PTPRD: variants seen among roughly 807,000 people sequenced by gnomAD.
The protein encoded by PTPRD is receptor-type tyrosine-protein phosphatase delta.
Under a neutral mutation model 214.5 loss-of-function variants are expected in PTPRD, and 34 were observed. The observed-to-expected ratio is 0.16, with a 90% CI of 0.12 to 0.21. The LOEUF (loss-of-function observed/expected upper bound fraction) is 0.21, where lower values mean the gene tolerates loss of function less well. PTPRD is among the 10% of genes least tolerant of loss of function. The pLI is 1.00. For missense variants in PTPRD, 2,545 were observed against 2,398.7 expected, an observed-to-expected ratio of 1.06 and a Z score of -1.27; for synonymous variants, 1,128 against 845.7, an observed-to-expected ratio of 1.33 and a Z score of -5.79.
intron 9 of PTPRD, among the ~76,000 whole-genome samples, chr9:9,214,175 G>C (rs1413068872): frequency 6.6e-6 from 1 of 152,086 alleles, no homozygotes; most frequent in Non-Finnish European, 1.5e-5. Flanking sequence ...TTTGTTGATG[G>C]ACATCAGGCC....
intron 9 of PTPRD, among the ~76,000 whole-genome samples, chr9:9,223,967 A>T (rs1049946878): frequency 6.6e-6 from 1 of 152,044 alleles, no homozygotes; most frequent in Admixed American, 6.6e-5. Flanking sequence ...TATAAAAAGG[A>T]TATAGAACTA....
chr9:8,806,104 T>C (rs2096673429), intron 11 of PTPRD, among the ~76,000 whole-genome samples: 1 of 151,874 alleles, frequency 6.6e-6, no homozygotes, highest in African/African-American at 2.4e-5. Flanking sequence ...TTTGTATTTT[T>C]AGTAGAGACG....
At chr9:9,062,900 T>C (rs1179097334) in intron 10 of PTPRD, among the ~76,000 whole-genome samples, 2 of 152,206 alleles carry the variant, frequency 1.3e-5, no homozygotes, top group Non-Finnish European at 2.9e-5. Flanking sequence ...AGGGGTGTTT[T>C]AAGTAGTAAT....
At chr9:8,854,499 A>T (rs1208005934) in intron 11 of PTPRD, among the ~76,000 whole-genome samples, 1 of 152,190 alleles carries the variant, frequency 6.6e-6, no homozygotes, top group African/African-American at 2.4e-5. Flanking sequence ...GTCTGAAGGA[A>T]ATCTAATATG....
chr9:9,383,400 T>C (rs1222568047), intron 9 of PTPRD, among the ~76,000 whole-genome samples: 1 of 152,144 alleles, frequency 6.6e-6, no homozygotes, highest in East Asian at 1.9e-4. Flanking sequence ...CACCATGTTA[T>C]ATCCTTAAGA....
At chr9:8,613,899 C>CT (rs1224318904) in intron 14 of PTPRD, among the ~76,000 whole-genome samples, 1 of 151,856 alleles carries the variant, frequency 6.6e-6, no homozygotes, top group African/African-American at 2.4e-5. Context: ...AATAAATAGT[C>CT]TGTCATTTTA....
chr9:8,671,199 T>G (rs1336728263), intron 12 of PTPRD, among the ~76,000 whole-genome samples: 1 of 152,144 alleles, frequency 6.6e-6, no homozygotes, highest in African/African-American at 2.4e-5. Flanking sequence ...TTTGAACAAC[T>G]TAATTTTGCA....
chr9:8,432,993 T>C (rs1239679104), intron 35 of PTPRD, among the ~76,000 whole-genome samples: 1 of 152,254 alleles, frequency 6.6e-6, no homozygotes, highest in Non-Finnish European at 1.5e-5. Flanking sequence ...TTAAAGTATC[T>C]TTACATGTAG....
At chr9:9,233,757 A>T (rs2099964688) in intron 9 of PTPRD, among the ~76,000 whole-genome samples, 1 of 152,228 alleles carries the variant, frequency 6.6e-6, no homozygotes, top group Admixed American at 6.5e-5. Flanking sequence ...ATTAAACCTT[A>T]AAGTTCCAAA....
chr9:8,412,563 G>A (rs933844860), intron 35 of PTPRD, among the ~76,000 whole-genome samples: 6 of 152,072 alleles, frequency 3.9e-5, no homozygotes, highest in Admixed American at 1.3e-4. Context: ...AGTATTAAGC[G>A]AAAAGTACCT....
At chr9:10,450,528 T>C (rs2098834303) in intron 2 of PTPRD, among the ~76,000 whole-genome samples, 1 of 152,166 alleles carries the variant, frequency 6.6e-6, no homozygotes, top group African/African-American at 2.4e-5. Flanking sequence ...GTCCCTAATC[T>C]GTAGTTTATA....
chr9:9,031,727 A>G (rs938341220), intron 10 of PTPRD, among the ~76,000 whole-genome samples: 1 of 152,080 alleles, frequency 6.6e-6, no homozygotes, highest in Non-Finnish European at 1.5e-5. Flanking sequence ...AAATAATCAG[A>G]GTACAAATAG....
In PTPRD at chr9:9,784,414, T is replaced by C. The variant is rs572033473; in HGVS notation, c.-367-17563A>G. Among the ~76,000 whole-genome samples the C allele has an allele frequency of 1.2e-4, 19 of 152,178 alleles. No individual in the cohort carries two copies. In the South Asian group the frequency reaches 3.9e-3, roughly 32 times the overall value. ...AATAAATAAGCTTTCAACCACAGCA[T>C]CCACAATTATACTGAAGGAAAAAGA... On this transcript the variant is annotated intron_variant, in intron 5 of 45. Transcript: ENST00000381196.
intron 39 of PTPRD, among the ~76,000 whole-genome samples, chr9:8,364,132 G>C (rs559919619): frequency 6.6e-6 from 1 of 152,352 alleles, no homozygotes; most frequent in East Asian, 1.9e-4. Context: ...GATTCCAGCA[G>C]ATGGCATGGT....
intron 12 of PTPRD, among the ~76,000 whole-genome samples, chr9:8,719,769 T>G (rs1352682919): frequency 6.6e-6 from 1 of 151,950 alleles, no homozygotes; most frequent in Non-Finnish European, 1.5e-5. Context: ...TCAAAAGGCA[T>G]GCAAAATGTA....
chr9:9,749,050 G>C (rs1306829102), intron 6 of PTPRD, among the ~76,000 whole-genome samples: 1 of 151,854 alleles, frequency 6.6e-6, no homozygotes. Flanking sequence ...TCTTTCCTCT[G>C]GTTTTTGTGA....
At chr9:9,153,717 C>G (rs929582478) in intron 10 of PTPRD, among the ~76,000 whole-genome samples, 8 of 152,098 alleles carry the variant, frequency 5.3e-5, no homozygotes, top group African/African-American at 7.2e-5. Context: ...TGGCAAATTT[C>G]AAATACACTT....
chr9:8,845,182 A>C lies in PTPRD; in HGVS notation c.-103-111236T>G, dbSNP rs77639941. Among the ~76,000 whole-genome samples the C allele has an allele frequency of 1.5e-4, 19 of 124,318 alleles. 1 individual carries two copies. The highest frequency in any genetic ancestry group is 5.5e-4 in the South Asian group (2 of 3,658). 81.6% of individuals were successfully genotyped at this position (124,318 alleles called of 152,430 possible). ...ATCCTTGCAGGAAAAAAAAACAAAA[A>C]CAAAAAAAAACACACAATTCTGTGT... On this transcript the variant is annotated intron_variant, in intron 11 of 45. Transcript: ENST00000381196.
chr9:8,959,881 A>G (rs2099150038), intron 11 of PTPRD, among the ~76,000 whole-genome samples: 2 of 152,024 alleles, frequency 1.3e-5, no homozygotes, highest in African/African-American at 2.4e-5. Context: ...GTTAAATTAG[A>G]GCTTGGGCAT....
Sources: gnomAD v4.1 joint callset for allele counts (sites outside exome capture counted in the v4.1 genomes callset) on GRCh38, gnomAD v4.1.1 for gene constraint, MANE v1.5 for transcripts, NCBI Gene and HGNC (gene_info 2026-07-23, HGNC 2026-07-21) for gene names.